The following RPRD2 variants were observed in gnomAD, a reference collection of about 807,000 sequenced individuals.
RPRD2 encodes regulation of nuclear pre-mRNA domain-containing protein 2.
In RPRD2, 12 loss-of-function variants were observed where a neutral mutation model predicts 104.4. The observed-to-expected ratio is 0.11, with a 90% confidence interval of 0.07 to 0.19. The LOEUF is 0.19. Among genes scored for constraint, RPRD2 ranks in the 10% least tolerant of loss-of-function variants. The pLI is 1.00. For synonymous variants in RPRD2, 714 were observed against 684.9 expected (o/e 1.04, Z -0.66); for missense variants, 1,543 against 1,790.1 (o/e 0.86, Z 2.49).
intron 1 of RPRD2, among the ~76,000 whole-genome samples, chr1:150,395,364 A>AG (rs1662422525): frequency 8.5e-5 from 4 of 47,322 alleles, no homozygotes; most frequent in African/African-American, 3.0e-4. Flanking sequence ...GTAGTATTCC[A>AG]TTGTGTGTGT....
chr1:150,394,431 A>T (rs1463599845), intron 1 of RPRD2, among the ~76,000 whole-genome samples: 1 of 152,170 alleles, frequency 6.6e-6, no homozygotes, highest in Non-Finnish European at 1.5e-5. Flanking sequence ...GATAAATTAT[A>T]TTGCTCTCTA....
Position 150,415,796 on chromosome 1 carries a change from G to A in RPRD2, c.206-1800G>A, listed in dbSNP as rs587594634. ...GTAGTGGAAGGATTACTCTTTAATAGGAGTGATGCTTTTTACTAGGTAAAT... is the reference window on the plus strand; with the variant it reads ...GTAGTGGAAGGATTACTCTTTAATAAGAGTGATGCTTTTTACTAGGTAAAT... On this transcript the variant is annotated intron_variant, in intron 1 of 10. Coordinates refer to ENST00000369068, the MANE Select transcript of RPRD2 (RefSeq NM_015203.5). Among the ~76,000 whole-genome samples, 23 of 152,334 alleles carry A rather than the reference G, an allele frequency of 1.5e-4. 1 individual carries two copies. Among genetic ancestry groups the A allele is most frequent in the Admixed American group, 1.3e-3 (20 of 15,292 alleles).
intron 1 of RPRD2, among the ~76,000 whole-genome samples, chr1:150,393,454 C>CAAAAAAAAAAAAAAAAAAAA (rs1203478537): frequency 1.7e-5 from 1 of 59,530 alleles, no homozygotes; most frequent in African/African-American, 5.9e-5. Context: ...GACCCTGTCT[C>CAAAAAAAAAAAAAAAAAAAA]AAAAAAAAAA....
intron 1 of RPRD2, among the ~76,000 whole-genome samples, chr1:150,380,403 G>GT (rs1208644530): frequency 5.4e-5 from 8 of 148,496 alleles, no homozygotes; most frequent in Admixed American, 1.3e-4. Context: ...ATTTTTTTTT[G>GT]TTTTTTTTCC....
chr1:150,444,559 T>C (rs1553895220), intron 6 of RPRD2, among the ~76,000 whole-genome samples, 182 bp downstream of exon 6: 1 of 152,204 alleles, frequency 6.6e-6, no homozygotes. Flanking sequence ...TTGTTCTCAT[T>C]TCTAGTACTT....
At chr1:150,367,092 G>T in intron 1 of RPRD2, among the ~76,000 whole-genome samples, 1 of 152,148 alleles carries the variant, frequency 6.6e-6, no homozygotes, top group East Asian at 1.9e-4. Context: ...CAGTTGAAGT[G>T]CATTGTGTAT....
Position 150,472,441 on chromosome 1 carries a change from G to A in RPRD2, c.3493G>A (p.Ala1165Thr). 1 of 1,613,946 alleles carries A rather than the reference G, an allele frequency of 6.2e-7. No individual in the cohort carries two copies. ...GSGGLTGFKT[A>T]PYKERAPQFQ... The stretch of plus-strand genomic sequence containing the variant: ...CGGAGGCCTCACTGGCTTTAAAACA[G>A]CACCATACAAGGAACGGGCACCTCA... The change falls in exon 11 of 11, where the codon GCA becomes ACA. Residue 1165 changes from alanine to threonine, a missense_variant. Ala to Thr is a moderately conservative substitution (Grantham distance 58, BLOSUM62 0). This residue lies in a region of RPRD2 where 880 missense variants were observed against 885.6 expected (regional missense o/e 0.99). Transcript: ENST00000369068.
At chr1:150,388,327 TATATACATGTGTATATACACACAC>T (rs1223851475) in intron 1 of RPRD2, among the ~76,000 whole-genome samples, 1 of 141,492 alleles carries the variant, frequency 7.1e-6, no homozygotes, top group Admixed American at 7.2e-5. Context: ...TATGTATGTG[TATATACATGTGTATATACACACAC>T]ATATACATAT....
At chr1:150,421,630 C>A (rs782218443) in intron 2 of RPRD2, among the ~76,000 whole-genome samples, 1 of 152,088 alleles carries the variant, frequency 6.6e-6, no homozygotes, top group Admixed American at 6.5e-5. Flanking sequence ...TATACTCTTG[C>A]TTATAAATAA....
intron 1 of RPRD2, among the ~76,000 whole-genome samples, chr1:150,409,647 C>CTTTTTTTTTT (rs10684353): frequency 8.7e-6 from 1 of 114,612 alleles, no homozygotes; most frequent in Non-Finnish European, 1.7e-5. Context: ...TGTTGCAATT[C>CTTTTTTTTTT]TTTTTTTTTT....
In RPRD2 at chr1:150,459,963, T is replaced by C. The variant is rs1034236088; in HGVS notation, c.1154-97T>C. On this transcript the variant is annotated intron_variant, in intron 8 of 10. Coordinates refer to ENST00000369068, the MANE Select transcript of RPRD2 (RefSeq NM_015203.5). Reference sequence around the variant, plus strand: ...TTGTTTTCTCTAAAGTAGTGCCTTTTCCCCCAAGTCCGGAAATATTAGGAC... The same window carrying C: ...TTGTTTTCTCTAAAGTAGTGCCTTTCCCCCCAAGTCCGGAAATATTAGGAC... 141 of 1,135,128 alleles carry C rather than the reference T, an allele frequency of 1.2e-4. 4 individuals are homozygous for C. The South Asian group carries it at 2.1e-3, about 17-fold the overall frequency. 70.3% of individuals were successfully genotyped at this position (1,135,128 alleles called of 1,614,324 possible).
intron 2 of RPRD2, among the ~76,000 whole-genome samples, chr1:150,421,535 A>G (rs782400883): frequency 2.0e-5 from 3 of 152,160 alleles, no homozygotes; most frequent in Non-Finnish European, 4.4e-5. Context: ...TAAGAAAAGT[A>G]AGGTTAAAAT....
At chr1:150,368,205 G>GTTTTTTTTTTTTTTT (rs10572674) in intron 1 of RPRD2, among the ~76,000 whole-genome samples, 1 of 112,742 alleles carries the variant, frequency 8.9e-6, no homozygotes, top group Non-Finnish European at 1.8e-5. Context: ...CTTATTTCTT[G>GTTTTTTTTTTTTTTT]TTTTTTTTTT....
At chr1:150,465,758 A>AT (rs71086511) in intron 10 of RPRD2, among the ~76,000 whole-genome samples, 33,609 of 151,942 alleles carry the variant, frequency 0.22, 4,233 homozygotes, top group African/African-American at 0.32. Context: ...GGAAGGGTCC[A>AT]TTTATTATCA....
intron 1 of RPRD2, among the ~76,000 whole-genome samples, chr1:150,388,368 G>GTATATACATA (rs1197163000): frequency 8.5e-6 from 1 of 117,748 alleles, no homozygotes; most frequent in Non-Finnish European, 1.9e-5. Context: ...ATATATACAT[G>GTATATACATA]TATACACATA....
At position 150,387,705 on chromosome 1, in the gene RPRD2, C is replaced by A. The variant is rs1009470697; in HGVS notation, c.205+22786C>A. On this transcript the variant is annotated intron_variant, in intron 1 of 10. Transcript: ENST00000369068. The stretch of plus-strand genomic sequence containing the variant: ...CTCCTGGGTTCAAGTGGTTCTCCTG[C>A]ATCAGCCTCCCCAGTAGCTGGGATT... Among the ~76,000 whole-genome samples, 5 of 144,942 alleles carry A rather than the reference C, an allele frequency of 3.4e-5. No individual in the cohort carries two copies. The East Asian group carries it at 1.1e-3, about 30-fold the overall frequency.
At chr1:150,408,147 A>G (rs1663624763) in intron 1 of RPRD2, among the ~76,000 whole-genome samples, 2 of 149,416 alleles carry the variant, frequency 1.3e-5, no homozygotes. Flanking sequence ...TTATTTTAAA[A>G]TATTCATATG....
At chr1:150,442,595 A>C (rs1553894688) in intron 4 of RPRD2, among the ~76,000 whole-genome samples, 1 of 152,184 alleles carries the variant, frequency 6.6e-6, no homozygotes, top group African/African-American at 2.4e-5. Context: ...TTGGGAGGTG[A>C]AACGAGATAC....
chr1:150,438,087 G>C (rs1351091151), intron 2 of RPRD2, among the ~76,000 whole-genome samples: 1 of 148,598 alleles, frequency 6.7e-6, no homozygotes, highest in Non-Finnish European at 1.5e-5. Context: ...TTTGAGACCA[G>C]CCTGGCCAAT....
Sources: gnomAD v4.1 joint callset for allele counts (sites outside exome capture counted in the v4.1 genomes callset) on GRCh38, gnomAD v4.1.1 for gene constraint, gnomAD v4.1.1 regional missense constraint, MANE v1.5 for transcripts, NCBI Gene and HGNC (gene_info 2026-07-23, HGNC 2026-07-21) for gene names.